RUBCNL: variants seen among roughly 807,000 people sequenced by gnomAD.
RUBCNL encodes protein associated with UVRAG as autophagy enhancer.
RUBCNL carries 62 observed loss-of-function variants against 69.5 expected under a neutral mutation model. The observed-to-expected ratio is 0.89, with a 90% confidence interval of 0.73 to 1.10. The LOEUF is 1.10. RUBCNL is among the 50% of genes least tolerant of loss of function. RUBCNL has a pLI of 0.00. For missense variants in RUBCNL, 768 were observed against 798.1 expected, an observed-to-expected ratio of 0.96 and a Z score of 0.45; for synonymous variants, 291 against 303.6, an observed-to-expected ratio of 0.96 and a Z score of 0.43.
At chr13:46,347,082 C>G in intron 12 of RUBCNL, among the ~76,000 whole-genome samples, 1 of 152,168 alleles carries the variant, frequency 6.6e-6, no homozygotes, top group African/African-American at 2.4e-5. Flanking sequence ...ATCCCATCAC[C>G]CAGGGAGAGA....
In RUBCNL at chr13:46,336,498, T is replaced by C. The variant is rs142820884; in HGVS notation, c.*6887A>G. Among the ~76,000 whole-genome samples the C allele has an allele frequency of 0.019, 2,820 of 152,308 alleles. 100 individuals carry two copies. The highest frequency in any genetic ancestry group is 0.064 in the African/African-American group (2,670 of 41,546). The stretch of plus-strand genomic sequence containing the variant: ...TTTGAAAATTATTCTAATCCCACTA[T>C]ACAGAGATAATCACCACCACAATAT... On this transcript the variant is annotated 3_prime_UTR_variant, in exon 15 of 15. Transcript: ENST00000429979.
upstream of RUBCNL, among the ~76,000 whole-genome samples, chr13:46,388,220 ACAG>A (rs1441482999): frequency 1.6e-4 from 23 of 146,110 alleles, no homozygotes; most frequent in East Asian, 1.0e-3. Flanking sequence ...AAAAAAAAAA[ACAG>A]AAAGGAGAAG....
chr13:46,341,945 C>G lies in RUBCNL; in HGVS notation c.*1440G>C, dbSNP rs2048148060. 6.6e-6 allele frequency: 1 copy of G among 152,232 alleles called. No homozygotes were observed. The highest frequency in any genetic ancestry group is 2.4e-5 in the African/African-American group (1 of 41,456). The allele number at this position is 152,232 out of a possible 1,614,324, so 9.4% of individuals were successfully genotyped here. On this transcript the variant is annotated 3_prime_UTR_variant, in exon 15 of 15. Transcript: ENST00000429979. Reference sequence around the variant, plus strand: ...CTCAGAAAGGAATGTGAACATACCACTCTTACCCTTGATTCTTAACAGGGA... The same window carrying G: ...CTCAGAAAGGAATGTGAACATACCAGTCTTACCCTTGATTCTTAACAGGGA...
At chr13:46,371,094 C>T (rs940651626) in intron 3 of RUBCNL, among the ~76,000 whole-genome samples, 4 of 152,122 alleles carry the variant, frequency 2.6e-5, no homozygotes, top group African/African-American at 9.7e-5. Flanking sequence ...AACACATAAA[C>T]TCCATATTTT....
chr13:46,365,692 A>G (rs2048738409), intron 5 of RUBCNL, among the ~76,000 whole-genome samples: 1 of 152,208 alleles, frequency 6.6e-6, no homozygotes, highest in African/African-American at 2.4e-5. Flanking sequence ...TACACAGTCT[A>G]GTTCAACTAC....
chr13:46,366,119 G>T (rs954604023), intron 5 of RUBCNL, among the ~76,000 whole-genome samples: 1 of 152,134 alleles, frequency 6.6e-6, no homozygotes, highest in African/African-American at 2.4e-5. Flanking sequence ...TACTAAATAG[G>T]AATTACTTCT....
chr13:46,335,260 GTTTTTTTTT>G lies in RUBCNL; in HGVS notation c.*8116_*8124del, dbSNP rs764458781. 9.8e-6 allele frequency among the ~76,000 whole-genome samples: 1 copy of G among 101,904 alleles called. No homozygotes were observed. The highest frequency in any genetic ancestry group is 3.6e-4 in the South Asian group (1 of 2,812). 66.9% of individuals were successfully genotyped at this position (101,904 alleles called of 152,430 possible). On this transcript the variant is annotated 3_prime_UTR_variant, in exon 15 of 15. Transcript: ENST00000429979. ...GTGTCTTTTTGTTGTTGTTGTTGTTGTTTTTTTTTTTTTTTTTTTTTTTTTAAGAGACAG... is the reference window on the plus strand; with the variant it reads ...GTGTCTTTTTGTTGTTGTTGTTGTTGTTTTTTTTTTTTTTTTAAGAGACAG...
chr13:46,368,394 C>T, intron 4 of RUBCNL, 145 bp from the exon 5 acceptor site: 1 of 1,416,170 alleles, frequency 7.1e-7, no homozygotes, highest in Non-Finnish European at 9.3e-7. Context: ...TATCATAGGT[C>T]ACTCTATGAC....
At chr13:46,381,583 T>C (rs1423467480) in intron 1 of RUBCNL, among the ~76,000 whole-genome samples, 1 of 152,204 alleles carries the variant, frequency 6.6e-6, no homozygotes, top group Admixed American at 6.5e-5. Flanking sequence ...TTTTTTCCTT[T>C]TCTTTTTTCG....
chr13:46,372,654 CA>C, intron 2 of RUBCNL, 57 bp from the exon 3 acceptor site: 2 of 1,412,168 alleles, frequency 1.4e-6, no homozygotes, highest in Non-Finnish European at 1.8e-6. Context: ...ATTTTGGCTA[CA>C]AATTATTTTG....
intron 8 of RUBCNL, among the ~76,000 whole-genome samples, chr13:46,361,086 G>A (rs555679689): frequency 4.3e-4 from 66 of 152,290 alleles, no homozygotes; most frequent in Admixed American, 8.5e-4. Flanking sequence ...TTAGCTGGGC[G>A]TGGTGGCGTG....
intron 1 of RUBCNL, among the ~76,000 whole-genome samples, chr13:46,385,076 G>A (rs1056975152): frequency 1.3e-5 from 2 of 152,154 alleles, no homozygotes; most frequent in African/African-American, 4.8e-5. Flanking sequence ...CTTATTAGCT[G>A]TGTGATTTTG....
At chr13:46,370,604 G>GTCCT (rs1485585694) in intron 3 of RUBCNL, among the ~76,000 whole-genome samples, 4 of 152,212 alleles carry the variant, frequency 2.6e-5, no homozygotes, top group African/African-American at 9.7e-5. Flanking sequence ...GCTGTTGGGA[G>GTCCT]TCCTTGTCTT....
At chr13:46,358,280 T>A (rs778420096) in intron 9 of RUBCNL, among the ~76,000 whole-genome samples, 1 of 152,196 alleles carries the variant, frequency 6.6e-6, no homozygotes, top group Non-Finnish European at 1.5e-5. Flanking sequence ...TTGGGCACAG[T>A]CAACAACCCT....
At position 46,338,994 on chromosome 13, in the gene RUBCNL, T is replaced by C. The variant is rs184734954; in HGVS notation, c.*4391A>G. Reference sequence around the variant, plus strand: ...CCGGGAAGCAGAGGCTGCAGTGAACTGAGATCACGCCAACTGCACTCCAGC... The same window carrying C: ...CCGGGAAGCAGAGGCTGCAGTGAACCGAGATCACGCCAACTGCACTCCAGC... On this transcript the variant is annotated 3_prime_UTR_variant, in exon 15 of 15. Transcript: ENST00000429979. 3.4e-3 allele frequency among the ~76,000 whole-genome samples: 504 copies of C among 149,600 alleles called. 1 individual carries two copies. The highest frequency in any genetic ancestry group is 4.1e-3 in the Non-Finnish European group (275 of 67,710).
chr13:46,373,090 C>T (rs1277952499), intron 2 of RUBCNL, among the ~76,000 whole-genome samples: 1 of 152,040 alleles, frequency 6.6e-6, no homozygotes, highest in Non-Finnish European at 1.5e-5. Context: ...TCTGGTGCCT[C>T]AGCCTCCCGA....
At chr13:46,354,079 C>T (rs1358611970) in intron 10 of RUBCNL, among the ~76,000 whole-genome samples, 1 of 152,052 alleles carries the variant, frequency 6.6e-6, no homozygotes, top group Non-Finnish European at 1.5e-5. Flanking sequence ...AGGAAGTAGA[C>T]AATATAGAGA....
At chr13:46,374,896 G>A (rs1387966302) in intron 2 of RUBCNL, among the ~76,000 whole-genome samples, 1 of 152,126 alleles carries the variant, frequency 6.6e-6, no homozygotes, top group Non-Finnish European at 1.5e-5. Context: ...CCCAGATGAT[G>A]ACACATCTGG....
Position 46,361,462 on chromosome 13 carries a change from G to A in RUBCNL, c.1098C>T (p.Ser366=), listed in dbSNP as rs2138747184. Residue 366 remains serine, a synonymous_variant, in exon 8 of 15, where the codon TCC becomes TCT. Transcript: ENST00000429979. The part of the protein sequence containing the change: ...LSVVNSQLAG[S]LSAAGSIVVN... The stretch of plus-strand genomic sequence containing the variant: ...TTACTATCGAGCCAGCTGCACTCAG[G>A]GAACCTGCCAGCTGAGAATTAACTA... 6.2e-7 allele frequency: 1 copy of A among 1,613,810 alleles called. No individual in the cohort carries two copies. Among genetic ancestry groups the A allele is most frequent in the South Asian group, 1.1e-5 (1 of 91,046 alleles).
Sources: gnomAD v4.1 joint callset for allele counts (sites outside exome capture counted in the v4.1 genomes callset) on GRCh38, gnomAD v4.1.1 for gene constraint, MANE v1.5 for transcripts, NCBI Gene and HGNC (gene_info 2026-07-23, HGNC 2026-07-21) for gene names.